Variants in INSL6 observed in about 807,000 individuals in gnomAD.
INSL6 encodes insulin like 6.
Under a neutral mutation model 9.4 loss-of-function variants are expected in INSL6, and 16 were observed. The ratio of observed to expected loss-of-function variants is 1.70; its 90% confidence interval spans 1.15 to 2.59. The LOEUF (loss-of-function observed/expected upper bound fraction) is 2.59, where lower values mean the gene tolerates loss of function less well. INSL6 is among the 30% of genes most tolerant of loss of function. INSL6 has a pLI of 0.00. For synonymous variants in INSL6, 154 were observed against 96.9 expected, an observed-to-expected ratio of 1.59 and a Z score of -3.46; for missense variants, 391 against 257.3, an observed-to-expected ratio of 1.52 and a Z score of -3.56.
chr9:5,141,086 A>G (rs1824487367), intron 2 of INSL6, among the ~76,000 whole-genome samples: 1 of 152,136 alleles, frequency 6.6e-6, no homozygotes, highest in South Asian at 2.1e-4. Context: ...TATATGTACC[A>G]CATTTTTTTA....
At chr9:5,154,727 C>G (rs1824782413) in intron 2 of INSL6, among the ~76,000 whole-genome samples, 1 of 152,170 alleles carries the variant, frequency 6.6e-6, no homozygotes, top group South Asian at 2.1e-4. Flanking sequence ...TGAAAAAATG[C>G]TCATCACCAC....
the INSL6 span, among the ~76,000 whole-genome samples, chr9:5,087,760 A>G: frequency 1.1e-4 from 16 of 151,772 alleles, no homozygotes; most frequent in South Asian, 2.9e-3. Context: ...GTGTGTATCA[A>G]GTCCCTTTGA....
chr9:5,053,135 T>C, the INSL6 span, among the ~76,000 whole-genome samples: 1 of 152,066 alleles, frequency 6.6e-6, no homozygotes, highest in Admixed American at 6.6e-5. Context: ...TCCAACTCTT[T>C]CCGCACTTGT....
the INSL6 span, among the ~76,000 whole-genome samples, chr9:5,007,923 C>A: frequency 6.6e-6 from 1 of 151,896 alleles, no homozygotes; most frequent in Non-Finnish European, 1.5e-5. Context: ...AGAACAGGGT[C>A]TCACTACATT....
chr9:5,003,383 A>G, the INSL6 span, among the ~76,000 whole-genome samples: 7 of 151,900 alleles, frequency 4.6e-5, no homozygotes, highest in Non-Finnish European at 1.0e-4. Context: ...TTTAGCTAGC[A>G]TTTATTTTTT....
chr9:5,125,396 TCC>T (rs1205337853), intron 3 of INSL6, among the ~76,000 whole-genome samples: 16 of 151,458 alleles, frequency 1.1e-4, no homozygotes, highest in Non-Finnish European at 2.1e-4. Context: ...TGAGTAGCAT[TCC>T]ATCATAAGGC....
At chr9:5,145,032 T>C (rs1290571352) in intron 2 of INSL6, among the ~76,000 whole-genome samples, 1 of 152,226 alleles carries the variant, frequency 6.6e-6, no homozygotes, top group South Asian at 2.1e-4. Flanking sequence ...TTTTGCAGAC[T>C]TGTTTATGTG....
chr9:5,085,159 T>C, the INSL6 span: 1 of 650,164 alleles, frequency 1.5e-6, no homozygotes, highest in Non-Finnish European at 3.0e-6. Context: ...TGGAGCTCTG[T>C]CTACATCTCC....
chr9:5,065,520 A>G, the INSL6 span, among the ~76,000 whole-genome samples: 6 of 152,348 alleles, frequency 3.9e-5, no homozygotes, highest in East Asian at 1.2e-3. Flanking sequence ...TGTGCTGTGT[A>G]ACACAGCAGC....
chr9:5,087,899 T>G, the INSL6 span, among the ~76,000 whole-genome samples: 1 of 152,248 alleles, frequency 6.6e-6, no homozygotes, highest in African/African-American at 2.4e-5. Context: ...CATTTATGTT[T>G]CCAATGTTAA....
At chr9:5,102,323 A>C in the INSL6 span, among the ~76,000 whole-genome samples, 1 of 152,178 alleles carries the variant, frequency 6.6e-6, no homozygotes, top group Non-Finnish European at 1.5e-5. Flanking sequence ...AAATAAAGCG[A>C]GAGGAGAAGT....
At chr9:5,047,078 A>G in the INSL6 span, among the ~76,000 whole-genome samples, 1 of 152,112 alleles carries the variant, frequency 6.6e-6, no homozygotes. Flanking sequence ...ATAATTCTAA[A>G]TTATGTCTAG....
At chr9:5,126,383 C>A (rs1403308993) in intron 3 of INSL6, 8 of 1,610,652 alleles carry the variant, frequency 5.0e-6, no homozygotes, top group Non-Finnish European at 6.8e-6. Context: ...TGATCGTGTT[C>A]CATTTGATAG....
the INSL6 span, chr9:5,094,352 A>G: frequency 2.6e-5 from 4 of 151,962 alleles, no homozygotes; most frequent in African/African-American, 4.8e-5. Flanking sequence ...CCTATACCCC[A>G]TCCCCTAATT....
chr9:5,053,030 G>T, the INSL6 span, among the ~76,000 whole-genome samples: 1 of 151,980 alleles, frequency 6.6e-6, no homozygotes, highest in Non-Finnish European at 1.5e-5. Flanking sequence ...GGAATTCCTG[G>T]AACATATGGT....
At chr9:5,016,614 G>C in the INSL6 span, among the ~76,000 whole-genome samples, 5 of 152,160 alleles carry the variant, frequency 3.3e-5, no homozygotes, top group African/African-American at 9.7e-5. Flanking sequence ...TAAATGCACA[G>C]CTTAACAAAT....
chr9:5,052,417 C>G, the INSL6 span, among the ~76,000 whole-genome samples: 1 of 151,694 alleles, frequency 6.6e-6, no homozygotes, highest in Admixed American at 6.6e-5. Context: ...TTTTTTTTTA[C>G]TGCTTTACTT....
chr9:5,143,202 T>A (rs1162906943), intron 2 of INSL6, among the ~76,000 whole-genome samples: 10 of 151,936 alleles, frequency 6.6e-5, no homozygotes, highest in Admixed American at 6.5e-4. Context: ...GCTGACCTCA[T>A]AGAATGAGTT....
the INSL6 span, among the ~76,000 whole-genome samples, chr9:5,072,016 T>C: frequency 6.6e-6 from 1 of 152,104 alleles, no homozygotes; most frequent in Non-Finnish European, 1.5e-5. Context: ...TATGGGAAAA[T>C]AGTTATTATT....
Sources: allele counts gnomAD v4.1 joint callset (sites outside exome capture counted in the v4.1 genomes callset), GRCh38; gene constraint gnomAD v4.1.1; transcripts MANE v1.5; gene names NCBI Gene and HGNC (gene_info 2026-07-23, HGNC 2026-07-21).